TET3: variants seen among roughly 807,000 people sequenced by gnomAD.
TET3 encodes tet methylcytosine dioxygenase 3.
In TET3, 19 loss-of-function variants were observed where a neutral mutation model predicts 141.4. The ratio of observed to expected loss-of-function variants is 0.13; its 90% CI spans 0.09 to 0.20. The LOEUF (loss-of-function observed/expected upper bound fraction) is 0.20. TET3 is among the 10% of genes least tolerant of loss of function. TET3 has a pLI of 1.00. For synonymous variants in TET3, 1,043 were observed against 980.9 expected, an observed-to-expected ratio of 1.06 and a Z score of -1.18; for missense variants, 1,874 against 2,356.9, an observed-to-expected ratio of 0.80 and a Z score of 4.24.
chr2:73,984,046 C>T (rs1434726669), upstream of TET3, among the ~76,000 whole-genome samples: 2 of 152,276 alleles, frequency 1.3e-5, no homozygotes, highest in Non-Finnish European at 2.9e-5. The surrounding 1 kb of genome is among the most constrained non-coding windows in gnomAD (Gnocchi z 5.6). Context: ...CCCCTTACCC[C>T]CTGCCTGGAA....
chr2:74,044,183 CT>C (rs909883702), intron 3 of TET3, among the ~76,000 whole-genome samples: 123 of 152,108 alleles, frequency 8.1e-4, no homozygotes, highest in African/African-American at 2.8e-3. Flanking sequence ...GAACTCCAGC[CT>C]GGGTGAGAGT....
At chr2:73,989,305 A>G (rs1684209699) in intron 2 of TET3, among the ~76,000 whole-genome samples, 1 of 152,190 alleles carries the variant, frequency 6.6e-6, no homozygotes. Flanking sequence ...CCTCTCGGAC[A>G]TCAGACCATT....
chr2:74,129,818 G>C, the TET3 span, among the ~76,000 whole-genome samples: 1 of 152,072 alleles, frequency 6.6e-6, no homozygotes, highest in Non-Finnish European at 1.5e-5. Flanking sequence ...TTTAGGCCAG[G>C]TGCAGTGGCT....
At chr2:74,025,195 G>A (rs1329638285) in intron 3 of TET3, among the ~76,000 whole-genome samples, 1 of 141,524 alleles carries the variant, frequency 7.1e-6, no homozygotes, top group East Asian at 2.1e-4. Context: ...CTGCACTCCA[G>A]CCTGGGTGAC....
chr2:74,090,210 GGT>G (rs1274314034), intron 8 of TET3, among the ~76,000 whole-genome samples, 163 bp downstream of exon 8: 1 of 152,190 alleles, frequency 6.6e-6, no homozygotes, highest in Non-Finnish European at 1.5e-5. Context: ...TGAAATAAGG[GGT>G]GTGTGGAGGG....
intron 5 of TET3, among the ~76,000 whole-genome samples, chr2:74,077,203 C>A (rs775795538): frequency 3.9e-5 from 6 of 152,230 alleles, no homozygotes; most frequent in Non-Finnish European, 7.3e-5. Flanking sequence ...CCTGAAAAGG[C>A]AAAGCCTCAG....
intron 4 of TET3, among the ~76,000 whole-genome samples, chr2:74,052,116 A>G (rs1386688717): frequency 6.6e-6 from 1 of 152,124 alleles, no homozygotes; most frequent in African/African-American, 2.4e-5. Flanking sequence ...AGTAGCTGGG[A>G]TTACAGGCAC....
At chr2:74,027,300 T>C (rs926234918) in intron 3 of TET3, among the ~76,000 whole-genome samples, 12 of 152,002 alleles carry the variant, frequency 7.9e-5, no homozygotes, top group African/African-American at 2.7e-4. Flanking sequence ...CTTAGCCTTT[T>C]AGACTTTCGG....
intron 10 of TET3, among the ~76,000 whole-genome samples, chr2:74,094,229 C>T (rs1271502104): frequency 2.0e-5 from 3 of 152,230 alleles, no homozygotes; most frequent in South Asian, 4.2e-4. Flanking sequence ...ATGTGAATGG[C>T]GCAAGAGAGT....
chr2:74,126,785 G>C, the TET3 span, among the ~76,000 whole-genome samples: 3 of 152,118 alleles, frequency 2.0e-5, no homozygotes, highest in African/African-American at 7.2e-5. Flanking sequence ...TTACAGGCGT[G>C]AGCCACCACA....
chr2:74,071,432 G>A (rs1015562703), intron 4 of TET3, among the ~76,000 whole-genome samples: 1 of 152,118 alleles, frequency 6.6e-6, no homozygotes, highest in Admixed American at 6.5e-5. Flanking sequence ...AGCAAATTGT[G>A]GCTCACTGTT....
In TET3 at chr2:74,073,502, TTGAC is replaced by T. The variant is rs942288482; in HGVS notation, c.2495-45_2495-42del. ...GGTGGTTTGCTTTTCTAAATTAATATTGACTAATTGATATTCCAAAAATGTTTAC... is the reference window on the plus strand; with the variant it reads ...GGTGGTTTGCTTTTCTAAATTAATATTAATTGATATTCCAAAAATGTTTAC... On this transcript the variant is annotated intron_variant, in intron 4 of 11. Transcript: ENST00000409262. 5 of 1,429,080 alleles carry T rather than the reference TTGAC, an allele frequency of 3.5e-6. No homozygotes were observed. The African/African-American group carries it at 7.3e-5, about 21-fold the overall frequency. 88.5% of individuals were successfully genotyped at this position (1,429,080 alleles called of 1,614,324 possible). A position where few individuals can be genotyped will look rare whatever the true frequency, so the allele number is the denominator to read the frequency against.
At chr2:74,052,327 G>T (rs1558750292) in intron 4 of TET3, among the ~76,000 whole-genome samples, 1 of 152,106 alleles carries the variant, frequency 6.6e-6, no homozygotes, top group Non-Finnish European at 1.5e-5. Flanking sequence ...GTGAATTCAG[G>T]CTCAGAACAA....
intron 2 of TET3, among the ~76,000 whole-genome samples, chr2:74,000,256 C>T (rs2105127789): frequency 6.6e-6 from 1 of 152,330 alleles, no homozygotes; most frequent in South Asian, 2.1e-4. Flanking sequence ...CAGCCCCCTG[C>T]CTCTCCACCC....
the TET3 span, chr2:74,134,815 T>C: frequency 1.1e-5 from 5 of 453,014 alleles, no homozygotes; most frequent in Non-Finnish European, 2.2e-5. Context: ...CAGCTTATAG[T>C]ACTCAATCAG....
chr2:74,125,804 G>A, the TET3 span, among the ~76,000 whole-genome samples: 10 of 152,052 alleles, frequency 6.6e-5, no homozygotes, highest in Non-Finnish European at 1.5e-4. Flanking sequence ...TAAAGTGTTG[G>A]GATTACAGGC....
At chr2:74,089,076 G>A (rs953565611) in intron 7 of TET3, among the ~76,000 whole-genome samples, 12 of 100,502 alleles carry the variant, frequency 1.2e-4, no homozygotes, top group South Asian at 6.4e-4. Context: ...ACAGGATTCC[G>A]TCTCAAAAAA....
chr2:74,093,070 G>C lies in TET3; in HGVS notation c.3129+79G>C. On this transcript the variant is annotated intron_variant, in intron 9 of 11. Transcript: ENST00000409262. This position sits in a 1 kb window ranked among gnomAD's most constrained non-coding sequence, Gnocchi z 4.2. ...CAGGCTCTGAAGGTGGGAAGTGGGAGAGTGGGCTCTTTTACTCTCTTATGG... is the reference window on the plus strand; with the variant it reads ...CAGGCTCTGAAGGTGGGAAGTGGGACAGTGGGCTCTTTTACTCTCTTATGG... 7.6e-7 allele frequency: 1 copy of C among 1,317,926 alleles called. No individual in the cohort carries two copies. The highest frequency in any genetic ancestry group is 1.1e-6 in the Non-Finnish European group (1 of 937,608). The allele number at this position is 1,317,926 out of a possible 1,614,324, so 81.6% of individuals were successfully genotyped here.
chr2:74,007,529 A>C (rs1685208962), intron 3 of TET3, among the ~76,000 whole-genome samples: 1 of 152,168 alleles, frequency 6.6e-6, no homozygotes, highest in African/African-American at 2.4e-5. Context: ...CATGAACCTG[A>C]AATTGCCTTA....
Sources: allele counts gnomAD v4.1 joint callset (sites outside exome capture counted in the v4.1 genomes callset), GRCh38; gene constraint gnomAD v4.1.1; non-coding constraint Gnocchi (gnomAD v3.1); transcripts MANE v1.5; gene names NCBI Gene and HGNC (gene_info 2026-07-23, HGNC 2026-07-21).